The following KCNB2 variants were observed in gnomAD, a reference collection of about 807,000 sequenced individuals.
The protein encoded by KCNB2 is delayed rectifier potassium channel protein.
In KCNB2, 15 loss-of-function variants were observed where a neutral mutation model predicts 61.5. That is an observed-to-expected ratio of 0.24 (90% CI 0.16 to 0.38). The LOEUF (loss-of-function observed/expected upper bound fraction) is 0.38, where lower values mean the gene tolerates loss of function less well. Ranked by LOEUF, KCNB2 falls within the 10% of genes least tolerant of loss-of-function variation. The pLI is 1.00. For synonymous variants in KCNB2, 457 were observed against 446.0 expected (o/e 1.02, Z -0.31); for missense variants, 828 against 1,125.2 (o/e 0.74, Z 3.78).
chr8:72,613,974 A>C (rs918365055), intron 2 of KCNB2, among the ~76,000 whole-genome samples: 4 of 152,260 alleles, frequency 2.6e-5, no homozygotes, highest in Non-Finnish European at 5.9e-5. Flanking sequence ...AATGACACCA[A>C]CTCAAAGCAT....
intron 2 of KCNB2, among the ~76,000 whole-genome samples, chr8:72,882,557 A>AGAC (rs1220336466): frequency 5.6e-5 from 4 of 71,716 alleles, no homozygotes; most frequent in African/African-American, 5.4e-5. Context: ...GAGAGAGAGA[A>AGAC]TGTGTGTCTT....
intron 2 of KCNB2, among the ~76,000 whole-genome samples, chr8:72,683,590 G>C (rs961954545): frequency 6.6e-6 from 1 of 152,166 alleles, no homozygotes; most frequent in African/African-American, 2.4e-5. Context: ...TGATTGGCCT[G>C]GCCTAGGTCA....
intron 1 of KCNB2, among the ~76,000 whole-genome samples, chr8:72,551,014 G>T (rs1394871636): frequency 1.3e-5 from 2 of 152,082 alleles, no homozygotes; most frequent in African/African-American, 4.8e-5. Context: ...GCTAGCAGGG[G>T]CCTACACAGT....
At position 72,807,043 on chromosome 8, in the gene KCNB2, C is replaced by T. The variant is rs371296305; in HGVS notation, c.580-128892C>T. ...AAAGATTGGCATGAAGGAAATGGCA[C>T]GAAGGAAAAGGAGGAGAGGTTTCCT... On this transcript the variant is annotated intron_variant, in intron 2 of 2. Coordinates refer to ENST00000523207, the MANE Select transcript of KCNB2 (RefSeq NM_004770.3). Among the ~76,000 whole-genome samples, 81 of 152,134 alleles carry T rather than the reference C, an allele frequency of 5.3e-4. 1 individual carries two copies. The highest frequency in any genetic ancestry group is 1.2e-3 in the Admixed American group (18 of 15,288).
rs1464040053 is a variant in KCNB2, at chr8:72,903,036, G to A, written c.580-32899G>A. 2.0e-5 allele frequency among the ~76,000 whole-genome samples: 3 copies of A among 152,238 alleles called. 1 individual carries two copies. In the East Asian group the frequency reaches 5.8e-4, roughly 29 times the overall value. On this transcript the variant is annotated intron_variant, in intron 2 of 2. Coordinates refer to ENST00000523207, the MANE Select transcript of KCNB2 (RefSeq NM_004770.3). ...TTTTATTTCTAATTCTAAACTTTGA[G>A]TTTCTTTGAGTACGGAATTTGAAGT...
chr8:72,546,346 T>A (rs2128976843), intron 1 of KCNB2, among the ~76,000 whole-genome samples: 1 of 152,056 alleles, frequency 6.6e-6, no homozygotes, highest in African/African-American at 2.4e-5. Flanking sequence ...AAACCCCGTG[T>A]CTACTAAAAA....
chr8:72,716,365 A>T (rs1486205266), intron 2 of KCNB2, among the ~76,000 whole-genome samples: 1 of 152,194 alleles, frequency 6.6e-6, no homozygotes, highest in East Asian at 1.9e-4. Flanking sequence ...ACAAAAAAAG[A>T]GAATTTTAGA....
intron 1 of KCNB2, among the ~76,000 whole-genome samples, chr8:72,547,562 A>G (rs1206745245): frequency 6.6e-6 from 1 of 152,240 alleles, no homozygotes; most frequent in East Asian, 1.9e-4. Flanking sequence ...TGAGGGATTT[A>G]AAACTTCATT....
chr8:72,761,425 G>T (rs1808377358), intron 2 of KCNB2, among the ~76,000 whole-genome samples: 1 of 152,208 alleles, frequency 6.6e-6, no homozygotes, highest in South Asian at 2.1e-4. Flanking sequence ...TGCCTAAGGA[G>T]ATTTGGGGAA....
rs142415959 is a variant in KCNB2 at position 72,896,289 on chromosome 8, G to A, written c.580-39646G>A. 1.7e-3 allele frequency among the ~76,000 whole-genome samples: 258 copies of A among 152,204 alleles called. 8 individuals carry two copies. The East Asian group carries it at 0.039, about 23-fold the overall frequency. On this transcript the variant is annotated intron_variant, in intron 2 of 2. Coordinates refer to ENST00000523207, the MANE Select transcript of KCNB2 (RefSeq NM_004770.3). The stretch of plus-strand genomic sequence containing the variant: ...TACCATCACCTGGTTTCCTTACACT[G>A]GGAATTATTGTGGATTTGGCATTTG...
In KCNB2 at chr8:72,769,092, G is replaced by C. The variant is rs568178553; in HGVS notation, c.580-166843G>C. 2.0e-5 allele frequency among the ~76,000 whole-genome samples: 3 copies of C among 152,142 alleles called. No homozygotes were observed. The East Asian group carries it at 5.8e-4, about 29-fold the overall frequency. Reference sequence around the variant, plus strand: ...GGAGAATTGCTTGAACCCAGGAGGCGGAGGTTGCAGTGAGCCGAGATCGTG... The same window carrying C: ...GGAGAATTGCTTGAACCCAGGAGGCCGAGGTTGCAGTGAGCCGAGATCGTG... On this transcript the variant is annotated intron_variant, in intron 2 of 2. Coordinates refer to ENST00000523207, the MANE Select transcript of KCNB2 (RefSeq NM_004770.3).
intron 2 of KCNB2, among the ~76,000 whole-genome samples, chr8:72,633,066 C>G (rs1428655575): frequency 6.6e-6 from 1 of 152,178 alleles, no homozygotes; most frequent in East Asian, 1.9e-4. Flanking sequence ...GTCTCACAAA[C>G]TGAAGTCAAG....
intron 2 of KCNB2, among the ~76,000 whole-genome samples, chr8:72,792,356 ATTTG>A (rs1808959654): frequency 6.6e-6 from 1 of 152,204 alleles, no homozygotes; most frequent in South Asian, 2.1e-4. Context: ...CACTAATAGC[ATTTG>A]TGACTTTGTA....
intron 2 of KCNB2, among the ~76,000 whole-genome samples, chr8:72,821,953 C>T (rs554018154): frequency 1.5e-4 from 23 of 152,282 alleles, no homozygotes; most frequent in African/African-American, 4.1e-4. Flanking sequence ...CAGTGGATTC[C>T]GCCACCTCAA....
rs1809571093 is a variant in KCNB2, at chr8:72,824,846, ACT to A, written c.580-111084_580-111083del. Among the ~76,000 whole-genome samples the A allele has an allele frequency of 2.0e-5, 3 of 151,774 alleles. No homozygotes were observed. The East Asian group carries it at 5.8e-4, about 29-fold the overall frequency. ...TCCGTAGACCTCCTCACAGTCCCCC[ACT>A]CTCTACTCTGCACTCTGGCTCCTTT... is the stretch of plus-strand genomic sequence containing the variant. On this transcript the variant is annotated intron_variant, in intron 2 of 2. Coordinates refer to ENST00000523207, the MANE Select transcript of KCNB2 (RefSeq NM_004770.3).
At chr8:72,865,143 C>T (rs746544257) in intron 2 of KCNB2, among the ~76,000 whole-genome samples, 42 of 152,156 alleles carry the variant, frequency 2.8e-4, no homozygotes, top group Non-Finnish European at 5.0e-4. Flanking sequence ...TTTACTTCAT[C>T]CTGCTGTTGG....
intron 2 of KCNB2, among the ~76,000 whole-genome samples, chr8:72,909,106 T>A (rs192590722): frequency 6.6e-6 from 1 of 152,294 alleles, no homozygotes; most frequent in Admixed American, 6.5e-5. Flanking sequence ...GCCACTGTCC[T>A]TGCAAACCTT....
chr8:72,547,698 C>G (rs573044389), intron 1 of KCNB2, among the ~76,000 whole-genome samples: 10 of 152,226 alleles, frequency 6.6e-5, no homozygotes, highest in Admixed American at 2.6e-4. Context: ...TATGAACGAG[C>G]AAAGAAAGTG....
rs554972004 is a variant in KCNB2 at position 72,832,140 on chromosome 8, T to C, written c.580-103795T>C. On this transcript the variant is annotated intron_variant, in intron 2 of 2. Coordinates refer to ENST00000523207, the MANE Select transcript of KCNB2 (RefSeq NM_004770.3). ...TTACAGGAATGTATAATGTATGCTG[T>C]AGGAGTGAAGGATATAATCCAAGTT... Among the ~76,000 whole-genome samples, 355 of 152,308 alleles carry C rather than the reference T, an allele frequency of 2.3e-3. 3 individuals carry two copies. The highest frequency in any genetic ancestry group is 8.1e-3 in the African/African-American group (336 of 41,578).
Sources: gnomAD v4.1 joint callset for allele counts (sites outside exome capture counted in the v4.1 genomes callset) on GRCh38, gnomAD v4.1.1 for gene constraint, MANE v1.5 for transcripts, NCBI Gene and HGNC (gene_info 2026-07-23, HGNC 2026-07-21) for gene names.